Variants in RIMBP2 observed in about 807,000 individuals in gnomAD.
RIMBP2 encodes the protein RIMS-binding protein 2.
In RIMBP2, 48 loss-of-function variants were observed where a neutral mutation model predicts 118.6. That is an observed-to-expected ratio of 0.40 (90% confidence interval 0.32 to 0.51). The LOEUF (loss-of-function observed/expected upper bound fraction) is 0.51. Among genes scored for constraint, RIMBP2 ranks in the 20% least tolerant of loss-of-function variants. The probability of loss-of-function intolerance (pLI) is 0.41; values close to 1 mark genes in which losing one functional copy is unlikely to be tolerated. For synonymous variants in RIMBP2, 762 were observed against 742.9 expected, an observed-to-expected ratio of 1.03 and a Z score of -0.42; for missense variants, 1,551 against 1,768.3, an observed-to-expected ratio of 0.88 and a Z score of 2.20.
chr12:130,709,734 T>G (rs1347861381), intron 1 of RIMBP2, among the ~76,000 whole-genome samples: 2 of 144,476 alleles, frequency 1.4e-5, no homozygotes, highest in African/African-American at 5.3e-5. Flanking sequence ...ACCCCCCCCC[T>G]TCCCACCCAA....
chr12:130,496,420 G>A (rs986277680), intron 4 of RIMBP2, among the ~76,000 whole-genome samples: 1 of 152,090 alleles, frequency 6.6e-6, no homozygotes, highest in Non-Finnish European at 1.5e-5. Context: ...TCTCGAGTAT[G>A]TCTTTATTAG....
At chr12:130,548,859 T>C (rs1244383045) in intron 2 of RIMBP2, among the ~76,000 whole-genome samples, 1 of 151,858 alleles carries the variant, frequency 6.6e-6, no homozygotes, top group East Asian at 1.9e-4. Context: ...AGTCCTAGGA[T>C]TACAGGCATG....
intron 5 of RIMBP2, among the ~76,000 whole-genome samples, chr12:130,477,505 A>G (rs1003773358): frequency 2.0e-5 from 3 of 152,200 alleles, no homozygotes; most frequent in Admixed American, 1.3e-4. Flanking sequence ...TGTCCCAGCA[A>G]TATCCCTTGC....
chr12:130,646,933 G>A (rs1010424239), intron 1 of RIMBP2, among the ~76,000 whole-genome samples: 1 of 152,238 alleles, frequency 6.6e-6, no homozygotes, highest in African/African-American at 2.4e-5. Flanking sequence ...AGCTGCACCT[G>A]CTCCCCATCT....
At chr12:130,633,286 A>C (rs1467990507) in intron 1 of RIMBP2, among the ~76,000 whole-genome samples, 1 of 152,228 alleles carries the variant, frequency 6.6e-6, no homozygotes, top group Non-Finnish European at 1.5e-5. Flanking sequence ...AAAATTGAAT[A>C]CAGAGTAGGA....
intron 1 of RIMBP2, among the ~76,000 whole-genome samples, chr12:130,707,716 G>T (rs1170060373): frequency 6.6e-6 from 1 of 152,194 alleles, no homozygotes; most frequent in Non-Finnish European, 1.5e-5. Flanking sequence ...GAGGCCTGGG[G>T]GCGCTGAGGC....
chr12:130,593,095 AT>A (rs1424245461), intron 2 of RIMBP2, among the ~76,000 whole-genome samples: 1 of 152,158 alleles, frequency 6.6e-6, no homozygotes, highest in East Asian at 1.9e-4. Context: ...TCCCGGGCCC[AT>A]TCCCTCTACG....
At position 130,703,732 on chromosome 12, in the gene RIMBP2, A is replaced by G. The variant is rs2065968672; in HGVS notation, c.-352+12490T>C. ...TAAATAAGATTCAGTTGTCATGTGT[A>G]GTATATTGGGAGTGCGTTTGAAACG... On this transcript the variant is annotated intron_variant, in intron 1 of 22. Coordinates refer to ENST00000690449, the MANE Select transcript of RIMBP2 (RefSeq NM_001393629.1). The surrounding 1 kb of genome is among the most constrained non-coding windows in gnomAD (Gnocchi z 5.7). Among the ~76,000 whole-genome samples the G allele has an allele frequency of 6.6e-6, 1 of 152,248 alleles. No homozygotes were observed. The highest frequency in any genetic ancestry group is 1.5e-5 in the Non-Finnish European group (1 of 68,048).
chr12:130,491,908 T>G (rs1400172603), intron 4 of RIMBP2, among the ~76,000 whole-genome samples: 1 of 152,188 alleles, frequency 6.6e-6, no homozygotes, highest in Non-Finnish European at 1.5e-5. Flanking sequence ...CGCCAGCACT[T>G]AAGCTGCCTA....
intron 5 of RIMBP2, among the ~76,000 whole-genome samples, chr12:130,474,032 G>A (rs1459233787): frequency 2.0e-5 from 3 of 152,276 alleles, no homozygotes; most frequent in South Asian, 2.1e-4. Flanking sequence ...TCACACCACT[G>A]GATTATCATA....
Position 130,643,354 on chromosome 12 carries a change from G to A in RIMBP2, c.-351-14898C>T, listed in dbSNP as rs549431342. Among the ~76,000 whole-genome samples the A allele has an allele frequency of 1.7e-3, 260 of 152,272 alleles. 1 individual carries two copies. Among genetic ancestry groups the A allele is most frequent in the Non-Finnish European group, 2.8e-3 (191 of 68,024 alleles). ...TCAGGGAGAGGTGAGCCCCACAAGC[G>A]ACCAGCAGGAGAGGATGAAGGGCAG... On this transcript the variant is annotated intron_variant, in intron 1 of 22. Transcript: ENST00000690449.
At chr12:130,590,667 C>T (rs897549904) in intron 2 of RIMBP2, among the ~76,000 whole-genome samples, 1 of 152,208 alleles carries the variant, frequency 6.6e-6, no homozygotes, top group Non-Finnish European at 1.5e-5. Context: ...CTTCTGAACA[C>T]AAAACTTGTT....
At chr12:130,522,683 G>A (rs2052272058) in intron 2 of RIMBP2, among the ~76,000 whole-genome samples, 1 of 152,136 alleles carries the variant, frequency 6.6e-6, no homozygotes, top group Admixed American at 6.5e-5. Context: ...GGGAGCCCCA[G>A]GGAGGCACGG....
chr12:130,706,788 T>C (rs1209244440), intron 1 of RIMBP2, among the ~76,000 whole-genome samples: 1 of 152,206 alleles, frequency 6.6e-6, no homozygotes. Context: ...TCATGGCTCA[T>C]GCTATTGCTC....
At chr12:130,548,658 C>T (rs1163475361) in intron 2 of RIMBP2, among the ~76,000 whole-genome samples, 9 of 152,098 alleles carry the variant, frequency 5.9e-5, no homozygotes. Context: ...ACTGCAACCT[C>T]CACCTCCCGG....
rs547365103 is a variant in RIMBP2, at chr12:130,703,515, A to T, written c.-352+12707T>A. On this transcript the variant is annotated intron_variant, in intron 1 of 22. Transcript: ENST00000690449. The surrounding 1 kb of genome is among the most constrained non-coding windows in gnomAD (Gnocchi z 5.7). ...CCCCAATCCCTCACCCACTGCTGCGACCACCCGGTGCTCAGCTCAGGGCTG... is the reference window on the plus strand; with the variant it reads ...CCCCAATCCCTCACCCACTGCTGCGTCCACCCGGTGCTCAGCTCAGGGCTG... Among the ~76,000 whole-genome samples the T allele has an allele frequency of 2.6e-5, 4 of 151,916 alleles. No individual in the cohort carries two copies. The highest frequency in any genetic ancestry group is 4.8e-5 in the African/African-American group (2 of 41,358).
At chr12:130,672,969 C>T (rs1172981474) in intron 1 of RIMBP2, among the ~76,000 whole-genome samples, 2 of 152,214 alleles carry the variant, frequency 1.3e-5, no homozygotes, top group Admixed American at 1.3e-4. Context: ...CACCTCAAGT[C>T]GTTTCCCTCT....
chr12:130,595,180 T>G (rs1001777119), intron 2 of RIMBP2, among the ~76,000 whole-genome samples: 7 of 152,200 alleles, frequency 4.6e-5, no homozygotes, highest in Non-Finnish European at 8.8e-5. Context: ...GAGCCTGTAC[T>G]CACACCCATG....
chr12:130,665,267 G>A (rs1374893517), intron 1 of RIMBP2, among the ~76,000 whole-genome samples: 1 of 151,696 alleles, frequency 6.6e-6, no homozygotes, highest in East Asian at 1.9e-4. Flanking sequence ...GCTCATGCCT[G>A]TAATCCCAGC....
Sources: gnomAD v4.1 joint callset for allele counts (sites outside exome capture counted in the v4.1 genomes callset) on GRCh38, gnomAD v4.1.1 for gene constraint, Gnocchi (gnomAD v3.1) non-coding constraint, MANE v1.5 for transcripts, NCBI Gene and HGNC (gene_info 2026-07-23, HGNC 2026-07-21) for gene names.